TBC1D5: variants seen among roughly 807,000 people sequenced by gnomAD.
The protein encoded by TBC1D5 is TBC1 domain family member 5, also known as TBC1 domain family, member 5.
TBC1D5 carries 75 observed loss-of-function variants against 100.3 expected under a neutral mutation model. The ratio of observed to expected loss-of-function variants is 0.75; its 90% confidence interval spans 0.62 to 0.91. The LOEUF (loss-of-function observed/expected upper bound fraction) is 0.91, where lower values mean the gene tolerates loss of function less well. Ranked by LOEUF, TBC1D5 falls within the 40% of genes least tolerant of loss-of-function variation. The pLI, the probability that TBC1D5 is intolerant of heterozygous loss-of-function variation, is 0.00. For synonymous variants in TBC1D5, 323 were observed against 325.6 expected (o/e 0.99, Z 0.09); for missense variants, 910 against 942.4 (o/e 0.97, Z 0.45).
chr3:17,387,731 T>C (rs554943801), intron 8 of TBC1D5, among the ~76,000 whole-genome samples: 8 of 151,430 alleles, frequency 5.3e-5, no homozygotes, highest in South Asian at 2.1e-4. Flanking sequence ...CCAAATATCA[T>C]TGGAAAGGCA....
intron 4 of TBC1D5, among the ~76,000 whole-genome samples, chr3:17,414,179 C>T (rs1019474849): frequency 2.0e-5 from 3 of 152,136 alleles, no homozygotes; most frequent in Non-Finnish European, 4.4e-5. Context: ...AAAGTGGCTA[C>T]AGCAGGATGA....
At chr3:17,372,929 C>A (rs778245899) in intron 12 of TBC1D5, among the ~76,000 whole-genome samples, 17 of 151,956 alleles carry the variant, frequency 1.1e-4, no homozygotes, top group Non-Finnish European at 2.1e-4. Context: ...TGTAAACAGC[C>A]AGAGAGTAAA....
intron 1 of TBC1D5, among the ~76,000 whole-genome samples, chr3:17,653,199 CT>C (rs2065748040): frequency 6.6e-6 from 1 of 152,018 alleles, no homozygotes; most frequent in African/African-American, 2.4e-5. Flanking sequence ...TACAGACTTC[CT>C]TTTGAGGTGA....
intron 2 of TBC1D5, among the ~76,000 whole-genome samples, chr3:17,532,812 AACATCAC>A (rs2096244002): frequency 7.1e-6 from 1 of 140,616 alleles, no homozygotes; most frequent in African/African-American, 2.6e-5. Context: ...CAGGAAGGAG[AACATCAC>A]ACACCGGGGA....
chr3:17,734,033 G>A (rs938582175), intron 1 of TBC1D5, among the ~76,000 whole-genome samples: 33 of 152,062 alleles, frequency 2.2e-4, no homozygotes, highest in Admixed American at 5.2e-4. Context: ...GTAAAGATGG[G>A]CAGATCTTTT....
intron 13 of TBC1D5, among the ~76,000 whole-genome samples, chr3:17,345,793 C>A (rs2089775781): frequency 6.6e-6 from 1 of 152,102 alleles, no homozygotes; most frequent in African/African-American, 2.4e-5. Flanking sequence ...AATTGGAAAT[C>A]ATCATTCTCA....
chr3:17,482,292 A>C (rs188470278), intron 3 of TBC1D5, among the ~76,000 whole-genome samples: 1 of 152,346 alleles, frequency 6.6e-6, no homozygotes, highest in East Asian at 1.9e-4. Context: ...AATAAATAAT[A>C]TTAAGTGATT....
At chr3:17,431,451 G>A (rs1382319973) in intron 3 of TBC1D5, among the ~76,000 whole-genome samples, 2 of 151,868 alleles carry the variant, frequency 1.3e-5, no homozygotes, top group Non-Finnish European at 2.9e-5. Context: ...ACCAGTAAAA[G>A]AATCTAGATG....
chr3:17,522,976 T>G (rs558174753), intron 2 of TBC1D5, among the ~76,000 whole-genome samples: 1 of 152,310 alleles, frequency 6.6e-6, no homozygotes, highest in Non-Finnish European at 1.5e-5. Flanking sequence ...TCAATTATAT[T>G]TATTGAACAA....
At chr3:17,343,411 T>C (rs2089325869) in intron 13 of TBC1D5, among the ~76,000 whole-genome samples, 1 of 151,816 alleles carries the variant, frequency 6.6e-6, no homozygotes, top group Non-Finnish European at 1.5e-5. Flanking sequence ...TCATCAAAGA[T>C]ATTGGTCTAA....
exon 22 of TBC1D5, chr3:17,161,070 G>C (rs1158570504): frequency 1.2e-6 from 2 of 1,614,262 alleles, no homozygotes; most frequent in Non-Finnish European, 1.7e-6. Flanking sequence ...CCCATCAGTG[G>C]ATCTGAGAAC....
At chr3:17,307,027 C>G (rs1347368246) in intron 14 of TBC1D5, among the ~76,000 whole-genome samples, 6 of 152,048 alleles carry the variant, frequency 3.9e-5, no homozygotes, top group Admixed American at 2.0e-4. Flanking sequence ...GTGCTCCTGT[C>G]ACTTATTTAA....
intron 3 of TBC1D5, among the ~76,000 whole-genome samples, chr3:17,462,095 C>T (rs1449204466): frequency 6.6e-6 from 1 of 151,928 alleles, no homozygotes; most frequent in Non-Finnish European, 1.5e-5. Flanking sequence ...ACTTATTTTT[C>T]CTAGATTTAA....
intron 2 of TBC1D5, among the ~76,000 whole-genome samples, chr3:17,531,217 G>A (rs1317681817): frequency 6.6e-6 from 1 of 152,172 alleles, no homozygotes; most frequent in Non-Finnish European, 1.5e-5. Context: ...CAAGTCATGA[G>A]TGAACTCCCA....
chr3:17,666,255 G>A (rs766498569), intron 1 of TBC1D5, among the ~76,000 whole-genome samples: 3 of 152,032 alleles, frequency 2.0e-5, no homozygotes, highest in Non-Finnish European at 2.9e-5. Context: ...ATAAAAATAC[G>A]TATTGAGCAC....
At position 17,484,930 on chromosome 3, in the gene TBC1D5, A is replaced by C. The variant is rs182818602; in HGVS notation, c.97+23544T>G. ...TCACTCTACTTGAACTGTCTTAATA[A>C]AATTAAAGAGAATAATATATTCAAT... On this transcript the variant is annotated intron_variant, in intron 3 of 21. Transcript: ENST00000253692. 4.0e-3 allele frequency among the ~76,000 whole-genome samples: 616 copies of C among 152,250 alleles called. 1 individual carries two copies. Among genetic ancestry groups the C allele is most frequent in the Non-Finnish European group, 6.3e-3 (429 of 68,010 alleles).
chr3:17,474,196 T>A (rs2095412173), intron 3 of TBC1D5, among the ~76,000 whole-genome samples: 1 of 152,204 alleles, frequency 6.6e-6, no homozygotes, highest in South Asian at 2.1e-4. Flanking sequence ...TACTTTTATA[T>A]AATTTACAAA....
chr3:17,512,787 C>G (rs1460372891), intron 2 of TBC1D5, among the ~76,000 whole-genome samples: 1 of 152,138 alleles, frequency 6.6e-6, no homozygotes, highest in East Asian at 1.9e-4. Context: ...GGTTTTAGTG[C>G]TATCCTGGGC....
At chr3:17,434,097 A>T (rs2094493148) in intron 3 of TBC1D5, among the ~76,000 whole-genome samples, 1 of 152,134 alleles carries the variant, frequency 6.6e-6, no homozygotes, top group Admixed American at 6.5e-5. Context: ...GCTGGCGTTG[A>T]GTGTCTGCAG....
Sources: allele counts gnomAD v4.1 joint callset (sites outside exome capture counted in the v4.1 genomes callset), GRCh38; gene constraint gnomAD v4.1.1; transcripts MANE v1.5; gene names NCBI Gene and HGNC (gene_info 2026-07-23, HGNC 2026-07-21).